MARK4: variants seen among roughly 807,000 people sequenced by gnomAD.
MARK4 encodes MAP/microtubule affinity-regulating kinase 4.
A neutral mutation model predicts 81.5 loss-of-function variants in MARK4; 19 were observed. That is an observed-to-expected ratio of 0.23 (90% confidence interval 0.16 to 0.34). MARK4 has a LOEUF of 0.34. MARK4 is among the 10% of genes least tolerant of loss of function. MARK4 has a pLI of 1.00. For missense variants in MARK4, 772 were observed against 1,058.8 expected (o/e 0.73, Z 3.76); for synonymous variants, 436 against 439.0 (o/e 0.99, Z 0.08).
intron 12 of MARK4, among the ~76,000 whole-genome samples, chr19:45,286,982 C>T (rs1043585288): frequency 1.4e-4 from 21 of 152,014 alleles, no homozygotes; most frequent in African/African-American, 4.8e-4. Flanking sequence ...TAATTTTCCA[C>T]TGTGGAAATA....
At chr19:45,257,675 G>T (rs12977525) in intron 1 of MARK4, among the ~76,000 whole-genome samples, 1 of 146,674 alleles carries the variant, frequency 6.8e-6, no homozygotes. Context: ...GAGCCACCTC[G>T]CCTGGCCCAT....
Position 45,266,239 on chromosome 19 carries a change from G to A in MARK4, c.507G>A (p.Val169=). 6.2e-7 allele frequency: 1 copy of A among 1,613,798 alleles called. No individual in the cohort carries two copies. Among genetic ancestry groups the A allele is most frequent in the Non-Finnish European group, 8.5e-7 (1 of 1,179,814 alleles). ...TTCCCTCCCAGATTGTTTCGGCTGT[G>A]CACTATTGTCACCAGAAAAATATTG... ...RAKFRQIVSA[V]HYCHQKNIVH... Residue 169 remains valine (V), a synonymous_variant, in exon 7 of 17, where the codon GTG becomes GTA. Transcript: ENST00000262891.
chr19:45,256,662 T>A (rs936638945), intron 1 of MARK4, among the ~76,000 whole-genome samples: 2 of 152,084 alleles, frequency 1.3e-5, no homozygotes, highest in South Asian at 2.1e-4. Flanking sequence ...TCAGCGTTGA[T>A]TGGGGTTGAG....
At chr19:45,253,771 T>C (rs1019702354) in intron 1 of MARK4, among the ~76,000 whole-genome samples, 1 of 152,184 alleles carries the variant, frequency 6.6e-6, no homozygotes, top group Non-Finnish European at 1.5e-5. Flanking sequence ...GTGTCGTGGC[T>C]GTTGTGGTTA....
At chr19:45,296,822 AGTG>A (rs1970893600) in intron 14 of MARK4, among the ~76,000 whole-genome samples, 1 of 152,110 alleles carries the variant, frequency 6.6e-6, no homozygotes. Flanking sequence ...GGCCAAGGCC[AGTG>A]GATCACCTGA....
At chr19:45,297,655 C>T in intron 14 of MARK4, 21 bp from the exon 15 acceptor site, 1 of 1,499,842 alleles carries the variant, frequency 6.7e-7, no homozygotes. Context: ...CCCACCCTGA[C>T]TTGTCTGTCT....
chr19:45,258,961 T>C (rs747579387), intron 1 of MARK4, 28 bp from the exon 2 acceptor site: 62 of 1,604,222 alleles, frequency 3.9e-5, no homozygotes, highest in Non-Finnish European at 5.3e-5. Context: ...TGGGATTGGA[T>C]AGCTCATGCT....
chr19:45,302,298 G>C lies in MARK4; in HGVS notation c.1923-76G>C. On this transcript the variant is annotated intron_variant, in intron 16 of 16. Transcript: ENST00000262891. The surrounding 1 kb of genome is among the most constrained non-coding windows in gnomAD (Gnocchi z 4.9). ...TGGCTAGGAATGTGTCCCGAATTGG[G>C]AAGAGTTGTCCCTTCAGCCCTCCAC... 9 of 1,601,278 alleles carry C rather than the reference G, an allele frequency of 5.6e-6. No individual in the cohort carries two copies. In the South Asian group the frequency reaches 1.0e-4, roughly 18 times the overall value.
chr19:45,274,966 C>T (rs1035651815), intron 8 of MARK4, among the ~76,000 whole-genome samples: 34 of 152,072 alleles, frequency 2.2e-4, no homozygotes, highest in African/African-American at 8.0e-4. Flanking sequence ...GATGAAGACA[C>T]TAAGAGTATT....
At chr19:45,263,223 C>A in intron 3 of MARK4, 57 bp downstream of exon 3, 1 of 1,612,866 alleles carries the variant, frequency 6.2e-7, no homozygotes. Context: ...AGCCGGGTGA[C>A]CCACCTGACC....
chr19:45,277,851 G>GTA, intron 8 of MARK4, 72 bp from the exon 9 acceptor site: 1 of 1,399,054 alleles, frequency 7.1e-7, no homozygotes, highest in Non-Finnish European at 9.8e-7. Context: ...GTGTGTGTGT[G>GTA]TGTGTGTGTG....
intron 16 of MARK4, among the ~76,000 whole-genome samples, chr19:45,301,845 A>C (rs1331523624): frequency 6.7e-6 from 1 of 148,530 alleles, no homozygotes; most frequent in African/African-American, 2.5e-5. Context: ...AGCCTGGGTA[A>C]CAAGAGCAAA....
At chr19:45,280,880 G>A (rs980493474) in intron 12 of MARK4, 146 bp downstream of exon 12, 4 of 1,202,310 alleles carry the variant, frequency 3.3e-6, no homozygotes, top group Non-Finnish European at 3.5e-6. Context: ...AAGACACAGG[G>A]CATTGCATGG....
chr19:45,282,794 A>T (rs1487877685), intron 12 of MARK4, among the ~76,000 whole-genome samples: 1 of 152,126 alleles, frequency 6.6e-6, no homozygotes, highest in Admixed American at 6.6e-5. Context: ...ACTGCACTCC[A>T]GCCTGGGCCA....
intron 1 of MARK4, among the ~76,000 whole-genome samples, chr19:45,254,333 C>T (rs2123019220): frequency 6.6e-6 from 1 of 152,314 alleles, no homozygotes. Flanking sequence ...GCCATGCTGC[C>T]TTCAGCGTGG....
intron 16 of MARK4, among the ~76,000 whole-genome samples, chr19:45,301,258 C>A (rs1186938656): frequency 6.6e-6 from 1 of 151,858 alleles, no homozygotes; most frequent in Non-Finnish European, 1.5e-5. Flanking sequence ...ATTGCAAGAC[C>A]CTGTCTCAAA....
intron 12 of MARK4, among the ~76,000 whole-genome samples, chr19:45,282,021 T>C (rs923194596): frequency 2.6e-4 from 40 of 151,852 alleles, no homozygotes; most frequent in South Asian, 6.2e-4. Context: ...GTTGGGAGTT[T>C]GAGACCGGCC....
At chr19:45,253,949 C>T (rs1237658096) in intron 1 of MARK4, among the ~76,000 whole-genome samples, 2 of 152,144 alleles carry the variant, frequency 1.3e-5, no homozygotes, top group Admixed American at 6.5e-5. Flanking sequence ...TGTTAAGATG[C>T]GTGCATGGTG....
intron 4 of MARK4, among the ~76,000 whole-genome samples, chr19:45,263,988 C>T (rs1162118770): frequency 2.0e-5 from 3 of 152,168 alleles, no homozygotes; most frequent in African/African-American, 7.2e-5. Context: ...TCCTCACTGT[C>T]ATTATCATTG....
Sources: allele counts gnomAD v4.1 joint callset (sites outside exome capture counted in the v4.1 genomes callset), GRCh38; gene constraint gnomAD v4.1.1; non-coding constraint Gnocchi (gnomAD v3.1); transcripts MANE v1.5; gene names NCBI Gene and HGNC (gene_info 2026-07-23, HGNC 2026-07-21).